FOXP2: variants seen among roughly 807,000 people sequenced by gnomAD.
FOXP2 encodes the protein forkhead box P2, also known as forkhead box protein P2.
In FOXP2, 12 loss-of-function variants were observed where a neutral mutation model predicts 115.8. The observed-to-expected ratio is 0.10, with a 90% CI of 0.07 to 0.17. FOXP2 has a LOEUF of 0.17. Ranked by LOEUF, FOXP2 falls within the 10% of genes least tolerant of loss-of-function variation. FOXP2 has a pLI of 1.00. For synonymous variants in FOXP2, 328 were observed against 297.7 expected, an observed-to-expected ratio of 1.10 and a Z score of -1.05; for missense variants, 629 against 843.5, an observed-to-expected ratio of 0.75 and a Z score of 3.15.
rs117594134 is a variant in FOXP2, at chr7:114,589,657, C to T, written c.259-38883C>T. 5.8e-3 allele frequency among the ~76,000 whole-genome samples: 881 copies of T among 152,242 alleles called. 12 individuals carry two copies. The highest frequency in any genetic ancestry group is 0.014 in the Middle Eastern group (4 of 294). ...AAAGCCATTTCTGTGAGAAAGCTTG[C>T]TCTATTAAGTGGTGAGGGTGTGGGA... is the stretch of plus-strand genomic sequence containing the variant. On this transcript the variant is annotated intron_variant, in intron 3 of 16. Transcript: ENST00000350908.
intron 2 of FOXP2, among the ~76,000 whole-genome samples, chr7:114,402,469 T>C (rs1792909304): frequency 6.6e-6 from 1 of 152,164 alleles, no homozygotes; most frequent in African/African-American, 2.4e-5. Flanking sequence ...TACTGAAGTT[T>C]GCAGTAGACT....
intron 1 of FOXP2, among the ~76,000 whole-genome samples, chr7:114,104,376 G>T (rs1791062182): frequency 6.6e-6 from 1 of 151,936 alleles, no homozygotes; most frequent in African/African-American, 2.4e-5. Flanking sequence ...TATGGGGGCT[G>T]TTGAGATATG....
chr7:114,692,173 A>T lies in FOXP2; in HGVS notation c.*2247A>T. On this transcript the variant is annotated 3_prime_UTR_variant, in exon 17 of 17. Transcript: ENST00000350908. ...AAGGAAAAATGGGTCTTTCAGGTGC[A>T]TGTTCAAAAGGCTTTGAGGGACTGG... 1 of 453,924 alleles carries T rather than the reference A, an allele frequency of 2.2e-6. No homozygotes were observed. The highest frequency in any genetic ancestry group is 4.4e-6 in the Non-Finnish European group (1 of 226,710). The allele number at this position is 453,924 out of a possible 1,614,324, so 28.1% of individuals were successfully genotyped here.
At chr7:114,115,570 T>G (rs1322662927) in intron 1 of FOXP2, among the ~76,000 whole-genome samples, 3 of 152,138 alleles carry the variant, frequency 2.0e-5, no homozygotes, top group Admixed American at 6.6e-5. Flanking sequence ...TGGAGCTTTT[T>G]CTTTGCCAGG....
At chr7:114,642,948 A>G (rs1805659505) in intron 7 of FOXP2, among the ~76,000 whole-genome samples, 1 of 150,050 alleles carries the variant, frequency 6.7e-6, no homozygotes, top group African/African-American at 2.4e-5. Flanking sequence ...AGCTGGGACT[A>G]CAGGCGCCCG....
At chr7:114,190,947 A>G (rs902308975) in intron 1 of FOXP2, among the ~76,000 whole-genome samples, 1 of 152,136 alleles carries the variant, frequency 6.6e-6, no homozygotes, top group African/African-American at 2.4e-5. Context: ...TTCCTTCTTA[A>G]ACAGCTTAAA....
upstream of FOXP2, among the ~76,000 whole-genome samples, chr7:114,160,882 A>G (rs536606725): frequency 6.6e-6 from 1 of 152,140 alleles, no homozygotes; most frequent in African/African-American, 2.4e-5. Context: ...CACTAAAGCT[A>G]TATCCTGTGA....
chr7:114,294,466 A>C (rs1237144670), intron 2 of FOXP2, among the ~76,000 whole-genome samples: 1 of 152,168 alleles, frequency 6.6e-6, no homozygotes, highest in Non-Finnish European at 1.5e-5. Flanking sequence ...CATTGAGCTC[A>C]CTAGAAAAAT....
chr7:114,372,177 A>T (rs1306543132), intron 2 of FOXP2, among the ~76,000 whole-genome samples: 1 of 152,166 alleles, frequency 6.6e-6, no homozygotes, highest in Admixed American at 6.5e-5. Flanking sequence ...TCCCAGGAAA[A>T]CTTAACTATA....
rs1792130906 is a variant in FOXP2 at position 114,139,078 on chromosome 7, C to T, written c.-246-23866C>T. Among the ~76,000 whole-genome samples the T allele has an allele frequency of 4.6e-5, 7 of 152,030 alleles. 1 individual carries two copies. The South Asian group carries it at 1.5e-3, about 32-fold the overall frequency. On this transcript the variant is annotated intron_variant, in intron 1 of 19. Coordinates refer to the FOXP2 transcript ENST00000635638. ...CAACAGGGGTTACAGGGGGCAGGGA[C>T]TTATGATAATGTTGAATAACAAAAA... is the stretch of plus-strand genomic sequence containing the variant.
intron 11 of FOXP2, among the ~76,000 whole-genome samples, chr7:114,658,627 A>T (rs1434040594): frequency 6.6e-6 from 1 of 152,188 alleles, no homozygotes; most frequent in African/African-American, 2.4e-5. Context: ...CATATACGAA[A>T]CACCGTTGCT....
chr7:114,142,213 G>A (rs1382353287), intron 1 of FOXP2, among the ~76,000 whole-genome samples: 1 of 152,012 alleles, frequency 6.6e-6, no homozygotes, highest in African/African-American at 2.4e-5. Flanking sequence ...AGTAGAGACA[G>A]GGGTTTCATC....
intron 3 of FOXP2, among the ~76,000 whole-genome samples, chr7:114,581,101 A>ACAAG (rs1801835751): frequency 6.6e-6 from 1 of 151,326 alleles, no homozygotes; most frequent in Non-Finnish European, 1.5e-5. Context: ...ACACACACAC[A>ACAAG]CACACAAGCA....
chr7:114,351,464 A>G (rs1791488684), intron 2 of FOXP2, among the ~76,000 whole-genome samples: 1 of 152,146 alleles, frequency 6.6e-6, no homozygotes. Context: ...GGTGCTTTAT[A>G]ATCCAAAGAA....
intron 6 of FOXP2, among the ~76,000 whole-genome samples, chr7:114,639,367 G>A (rs1312887911): frequency 6.6e-6 from 1 of 152,116 alleles, no homozygotes; most frequent in Non-Finnish European, 1.5e-5. Context: ...TATTTATTGA[G>A]CACATGCCAC....
chr7:114,329,878 T>G (rs1196700534), intron 2 of FOXP2, among the ~76,000 whole-genome samples: 1 of 151,968 alleles, frequency 6.6e-6, no homozygotes, highest in African/African-American at 2.4e-5. Context: ...GGTTTCACCA[T>G]ATTGGCCAGG....
chr7:114,547,284 T>C (rs1799971853), intron 3 of FOXP2, among the ~76,000 whole-genome samples: 1 of 152,240 alleles, frequency 6.6e-6, no homozygotes. Flanking sequence ...TCTTCTGTTT[T>C]ATGAATTTTA....
At chr7:114,659,483 G>C in intron 12 of FOXP2, 51 bp downstream of exon 12, 1 of 1,587,086 alleles carries the variant, frequency 6.3e-7, no homozygotes, top group African/African-American at 1.3e-5. Flanking sequence ...ATTCATTAAT[G>C]CTTAAAGTAA....
intron 2 of FOXP2, among the ~76,000 whole-genome samples, chr7:114,431,266 G>T (rs571373942): frequency 6.6e-6 from 1 of 151,848 alleles, no homozygotes; most frequent in Non-Finnish European, 1.5e-5. Flanking sequence ...GTTATCTCTC[G>T]CCCAATTCCA....
Sources: gnomAD v4.1 joint callset for allele counts (sites outside exome capture counted in the v4.1 genomes callset) on GRCh38, gnomAD v4.1.1 for gene constraint, MANE v1.5 for transcripts, NCBI Gene and HGNC (gene_info 2026-07-23, HGNC 2026-07-21) for gene names.